Variants in APC observed in about 807,000 individuals in gnomAD.
APC encodes the protein APC regulator of Wnt signaling pathway.
A neutral mutation model predicts 247.0 loss-of-function variants in APC; 72 were observed. The ratio of observed to expected loss-of-function variants is 0.29; its 90% CI spans 0.24 to 0.35. APC has a LOEUF of 0.35. Ranked by LOEUF, APC falls within the 10% of genes least tolerant of loss-of-function variation. The pLI is 1.00. For missense variants in APC, 3,400 were observed against 3,360.7 expected, an observed-to-expected ratio of 1.01 and a Z score of -0.29; for synonymous variants, 1,254 against 1,162.5, an observed-to-expected ratio of 1.08 and a Z score of -1.60.
Position 112,838,313 on chromosome 5 carries a change from G to C in APC, c.2719G>C (p.Gly907Arg), listed in dbSNP as rs771458366. 6 of 1,614,052 alleles carry C rather than the reference G, an allele frequency of 3.7e-6. No individual in the cohort carries two copies. In the African/African-American group the frequency reaches 8.0e-5, roughly 22 times the overall value. ...IHTSQEDRSSGSTTELHCVTD... is the reference protein window; with the variant it reads ...IHTSQEDRSSRSTTELHCVTD... Reference sequence around the variant, plus strand: ...TACCTCTCAGGAAGACAGAAGTTCTGGGTCTACCACTGAATTACATTGTGT... The same window carrying C: ...TACCTCTCAGGAAGACAGAAGTTCTCGGTCTACCACTGAATTACATTGTGT... The change falls in exon 16 of 16, where the codon GGG (glycine) becomes CGG (arginine). Residue 907 changes from glycine to arginine, a missense_variant. Physicochemically the swap from Gly to Arg is moderately radical, Grantham distance 125. Transcript: ENST00000257430.
rs1157254183 is a variant in APC, at chr5:112,775,718, G to C, written c.512G>C (p.Ser171Thr). The C allele has an allele frequency of 6.3e-7, 1 of 1,580,994 alleles. No individual in the cohort carries two copies. Among genetic ancestry groups the C allele is most frequent in the East Asian group, 2.2e-5 (1 of 44,502 alleles). Residue 171 changes from serine (S) to threonine (T), a missense_variant, in exon 5 of 16, where the codon AGT (serine) becomes ACT (threonine). Ser to Thr is a moderately conservative substitution (Grantham distance 58). Around this residue, in one of 9 missense-constraint regions of APC, gnomAD observed 372 missense variants for 367.6 expected, o/e 1.01. Coordinates refer to ENST00000257430, the MANE Select transcript of APC (RefSeq NM_000038.6). ...QLQNLTKRIDSLPLTENFSLQ... is the reference protein window; with the variant it reads ...QLQNLTKRIDTLPLTENFSLQ... ...CAGAATCTCACTAAAAGAATAGATA[G>C]TCTTCCTTTAACTGAAAATGTAAGT... is the stretch of plus-strand genomic sequence containing the variant.
At chr5:112,833,387 T>C (rs1372818361) in intron 14 of APC, among the ~76,000 whole-genome samples, 1 of 152,098 alleles carries the variant, frequency 6.6e-6, no homozygotes, top group African/African-American at 2.4e-5. Flanking sequence ...TTCACCATGT[T>C]GATCAGGATG....
At position 112,842,962 on chromosome 5, in the gene APC, G is replaced by A. The variant is rs2149985463; in HGVS notation, c.7368G>A (p.Leu2456=). The part of the protein sequence containing the change: ...EAPSPTLRRK[L]EESASFESLS... ...CAAGCCCAACCTTAAGAAGAAAATT[G>A]GAGGAATCTGCTTCATTTGAATCTC... is the stretch of plus-strand genomic sequence containing the variant. Residue 2456 remains leucine, a synonymous_variant, in exon 16 of 16, where the codon TTG becomes TTA. Coordinates refer to ENST00000257430, the MANE Select transcript of APC (RefSeq NM_000038.6). The A allele has an allele frequency of 6.2e-7, 1 of 1,613,986 alleles. No individual in the cohort carries two copies. Among genetic ancestry groups the A allele is most frequent in the South Asian group, 1.1e-5 (1 of 91,074 alleles).
intron 8 of APC, among the ~76,000 whole-genome samples, chr5:112,802,250 T>G (rs1760907037): frequency 6.6e-6 from 1 of 152,142 alleles, no homozygotes; most frequent in South Asian, 2.1e-4. Flanking sequence ...TAAAATGTCT[T>G]ATTAAGTATT....
rs1561465195 is a variant in APC, at chr5:112,767,389, A to G, written c.421A>G (p.Arg141Gly). Reference protein sequence around the residue: ...TGYLEELEKERSLLLADLDKE... With the variant: ...TGYLEELEKEGSLLLADLDKE... ...ATATTTAGAAGAACTTGAGAAAGAG[A>G]GGTAACTTTTCTTCATATAGTAAAC... is the stretch of plus-strand genomic sequence containing the variant. The change falls in exon 4 of 16, where the codon AGG (arginine) becomes GGG (glycine). Residue 141 changes from arginine to glycine, a missense_variant and splice_region_variant. Arg to Gly is a moderately radical substitution (Grantham distance 125). Coordinates refer to ENST00000257430, the MANE Select transcript of APC (RefSeq NM_000038.6). 1.9e-6 allele frequency: 3 copies of G among 1,612,526 alleles called. No homozygotes were observed. Among genetic ancestry groups the G allele is most frequent in the Non-Finnish European group, 8.5e-7 (1 of 1,178,582 alleles).
Position 112,710,862 on chromosome 5 carries a change from A to T in APC, c.165+2980A>T, listed in dbSNP as rs79534215. ...ATACTTAGCTCACAGGGTGGTGGTT[A>T]AAGAAATTAATACATGTTAAATGTC... On this transcript the variant is annotated intron_variant, in intron 1 of 13. Transcript: ENST00000507379. Among the ~76,000 whole-genome samples the T allele has an allele frequency of 3.6e-3, 554 of 152,344 alleles. 5 individuals are homozygous for T. Among genetic ancestry groups the T allele is most frequent in the African/African-American group, 0.013 (535 of 41,568 alleles).
chr5:112,720,909 C>G (rs1751447920), intron 1 of APC, among the ~76,000 whole-genome samples: 1 of 152,044 alleles, frequency 6.6e-6, no homozygotes, highest in African/African-American at 2.4e-5. Context: ...TACCAGGTAA[C>G]AGAGGGAGAG....
chr5:112,717,384 T>A (rs1358078580), intron 1 of APC, among the ~76,000 whole-genome samples: 2 of 152,208 alleles, frequency 1.3e-5, no homozygotes, highest in Admixed American at 1.3e-4. Flanking sequence ...ACTGCCAATA[T>A]TTTATTTAAG....
intron 1 of APC, among the ~76,000 whole-genome samples, chr5:112,724,629 A>G (rs1265820478): frequency 2.0e-5 from 3 of 152,028 alleles, no homozygotes; most frequent in Non-Finnish European, 4.4e-5. Flanking sequence ...GGCAGATCTT[A>G]CTCTGGAAGG....
intron 1 of APC, among the ~76,000 whole-genome samples, chr5:112,709,224 A>C (rs1750708911): frequency 6.6e-6 from 1 of 152,200 alleles, no homozygotes. Flanking sequence ...AAAATTTTTA[A>C]CGTGTGGGTT....
intron 6 of APC, among the ~76,000 whole-genome samples, chr5:112,782,121 G>C (rs1175521383): frequency 1.3e-5 from 2 of 152,244 alleles, no homozygotes; most frequent in African/African-American, 4.8e-5. Context: ...GTTCTACGTG[G>C]CTGGGGAATC....
intron 2 of APC, among the ~76,000 whole-genome samples, chr5:112,756,337 C>A (rs1754983624): frequency 6.6e-6 from 1 of 152,062 alleles, no homozygotes. Context: ...ACTTCAAATC[C>A]CTTGGGAAAT....
intron 1 of APC, among the ~76,000 whole-genome samples, chr5:112,719,376 C>T (rs1387099266): frequency 6.6e-6 from 1 of 151,650 alleles, no homozygotes; most frequent in Non-Finnish European, 1.5e-5. Flanking sequence ...CACCACCACG[C>T]CCGGCTAATT....
intron 8 of APC, among the ~76,000 whole-genome samples, chr5:112,803,150 G>C (rs1034314743): frequency 6.6e-6 from 1 of 152,074 alleles, no homozygotes; most frequent in African/African-American, 2.4e-5. Flanking sequence ...GAGCAAACAG[G>C]CATTCTCATA....
chr5:112,785,607 G>A lies in APC; in HGVS notation c.645+4704G>A, dbSNP rs566685054. 2.0e-5 allele frequency among the ~76,000 whole-genome samples: 3 copies of A among 152,238 alleles called. No individual in the cohort carries two copies. In the South Asian group the frequency reaches 6.2e-4, roughly 32 times the overall value. ...ATTTGTTAAAATCTATTGTGAAGAT[G>A]TTGTAATAATCACAGTATGATAATA... On this transcript the variant is annotated intron_variant, in intron 6 of 15. Transcript: ENST00000257430.
chr5:112,830,808 G>GA (rs1764211437), intron 14 of APC, among the ~76,000 whole-genome samples: 1 of 152,318 alleles, frequency 6.6e-6, no homozygotes, highest in Middle Eastern at 3.4e-3. Context: ...AGGATTATGA[G>GA]AGGGTAGGAA....
chr5:112,760,751 AG>A (rs1755558278), intron 2 of APC, among the ~76,000 whole-genome samples: 1 of 152,196 alleles, frequency 6.6e-6, no homozygotes, highest in African/African-American at 2.4e-5. Flanking sequence ...GACACACTCA[AG>A]GAACTGGGAA....
chr5:112,798,838 C>T (rs967326011), intron 7 of APC, among the ~76,000 whole-genome samples: 6 of 152,148 alleles, frequency 3.9e-5, no homozygotes, highest in Non-Finnish European at 7.4e-5. Flanking sequence ...AATTCCAGCT[C>T]TGACTCTGCC....
chr5:112,839,275 G>A lies in APC; in HGVS notation c.3681G>A (p.Arg1227=), dbSNP rs942982122. 1 of 1,614,138 alleles carries A rather than the reference G, an allele frequency of 6.2e-7. No individual in the cohort carries two copies. Among genetic ancestry groups the A allele is most frequent in the Non-Finnish European group, 8.5e-7 (1 of 1,180,038 alleles). ...CCACACCTTCATCTAATGCCAAGAGGCAGAATCAGCTCCATCCAAGTTCTG... is the reference window on the plus strand; with the variant it reads ...CCACACCTTCATCTAATGCCAAGAGACAGAATCAGCTCCATCCAAGTTCTG... ...NTSTPSSNAK[R]QNQLHPSSAQ... Residue 1227 remains arginine, a synonymous_variant, in exon 16 of 16, where the codon AGG becomes AGA. Coordinates refer to ENST00000257430, the MANE Select transcript of APC (RefSeq NM_000038.6). This position sits in a 1 kb window ranked among gnomAD's most constrained non-coding sequence, Gnocchi z 5.0.
Sources: allele counts gnomAD v4.1 joint callset (sites outside exome capture counted in the v4.1 genomes callset), GRCh38; gene constraint gnomAD v4.1.1; regional missense constraint gnomAD v4.1.1; non-coding constraint Gnocchi (gnomAD v3.1); transcripts MANE v1.5; gene names NCBI Gene and HGNC (gene_info 2026-07-23, HGNC 2026-07-21).